The following KIF5C variants were observed in gnomAD, a reference collection of about 807,000 sequenced individuals.
KIF5C encodes kinesin family member 5C, also known as kinesin heavy chain isoform 5C.
In KIF5C, 18 loss-of-function variants were observed where a neutral mutation model predicts 125.2. That is an observed-to-expected ratio of 0.14 (90% CI 0.10 to 0.21). The LOEUF is 0.21. Among genes scored for constraint, KIF5C ranks in the 10% least tolerant of loss-of-function variants. The probability of loss-of-function intolerance (pLI) is 1.00; values close to 1 mark genes in which losing one functional copy is unlikely to be tolerated. For missense variants in KIF5C, 780 were observed against 1,183.8 expected (o/e 0.66, Z 5.01); for synonymous variants, 405 against 434.0 (o/e 0.93, Z 0.83).
At chr2:148,947,474 C>T (rs138930440) in intron 8 of KIF5C, 8 of 188,076 alleles carry the variant, frequency 4.3e-5, no homozygotes, top group African/African-American at 1.4e-4. Flanking sequence ...GAACCTGGGG[C>T]GCTCCCTGCA....
chr2:148,904,121 A>C (rs1175816306), intron 1 of KIF5C, among the ~76,000 whole-genome samples: 1 of 152,230 alleles, frequency 6.6e-6, no homozygotes, highest in African/African-American at 2.4e-5. Context: ...TTATTTTCCC[A>C]AACAATTAGA....
chr2:148,948,984 T>G (rs1682591920), intron 8 of KIF5C, among the ~76,000 whole-genome samples: 1 of 152,218 alleles, frequency 6.6e-6, no homozygotes, highest in African/African-American at 2.4e-5. Context: ...ATTTCTGTCA[T>G]CAGGAGTTTC....
At chr2:148,885,007 G>C (rs1400034291) in intron 1 of KIF5C, among the ~76,000 whole-genome samples, 1 of 136,038 alleles carries the variant, frequency 7.4e-6, no homozygotes, top group Non-Finnish European at 1.5e-5. Flanking sequence ...TTCTCACTCT[G>C]TCTCCCAGGC....
In KIF5C at chr2:148,990,996, C is replaced by G. The variant is rs771481346; in HGVS notation, c.1717-14C>G. On this transcript the variant is annotated splice_polypyrimidine_tract_variant and intron_variant, in intron 15 of 25. Transcript: ENST00000435030. ...TTGTGGGCAACATTTGAGTGTGTCC[C>G]CTTCTTTGCTCAGTTGGCAGATGTG... 19 of 1,609,604 alleles carry G rather than the reference C, an allele frequency of 1.2e-5. No individual in the cohort carries two copies. The highest frequency in any genetic ancestry group is 1.5e-5 in the Non-Finnish European group (18 of 1,177,262).
At chr2:148,883,588 C>T (rs944297372) in intron 1 of KIF5C, 22 of 152,042 alleles carry the variant, frequency 1.4e-4, no homozygotes, top group African/African-American at 5.1e-4. Context: ...TCTATTCTTA[C>T]AACACACTTT....
In KIF5C at chr2:148,937,333, A is replaced by G. The variant is rs750422140; in HGVS notation, c.341A>G (p.His114Arg). 3.1e-6 allele frequency: 5 copies of G among 1,603,482 alleles called. No individual in the cohort carries two copies. In the South Asian group the frequency reaches 3.4e-5, roughly 11 times the overall value. ...QLMGIIPRIA[H>R]DIFDHIYSMD... ...ATGGGGATCATCCCACGAATTGCCC[A>G]TGATATCTTTGACCATATCTACTCC... The change falls in exon 4 of 26, where the codon CAT becomes CGT. Residue 114 changes from histidine to arginine, a missense_variant. By Grantham distance (29) the His-to-Arg change is conservative (BLOSUM62 0). Transcript: ENST00000435030.
intron 17 of KIF5C, among the ~76,000 whole-genome samples, chr2:148,996,086 C>A (rs1003671831): frequency 2.0e-5 from 3 of 151,810 alleles, no homozygotes; most frequent in Admixed American, 2.0e-4. Flanking sequence ...ATCCAGGAGG[C>A]GGAGGTTGTA....
chr2:148,998,063 T>C (rs1681731694), intron 18 of KIF5C: 1 of 332,700 alleles, frequency 3.0e-6, no homozygotes, highest in African/African-American at 2.1e-5. Context: ...TACAGGCTTA[T>C]CTGGAGGTTA....
intron 1 of KIF5C, among the ~76,000 whole-genome samples, chr2:148,887,301 T>C (rs1574691019): frequency 6.6e-6 from 1 of 152,196 alleles, no homozygotes; most frequent in East Asian, 1.9e-4. Flanking sequence ...GTGGCTCACA[T>C]TTGTGGTTGG....
At chr2:148,962,493 T>C (rs540453267) in intron 11 of KIF5C, among the ~76,000 whole-genome samples, 1 of 152,244 alleles carries the variant, frequency 6.6e-6, no homozygotes, top group Admixed American at 6.5e-5. Context: ...GTGTGCTTTC[T>C]TTTTCTTGTG....
intron 12 of KIF5C, among the ~76,000 whole-genome samples, chr2:148,975,319 T>A (rs1448461480): frequency 6.6e-6 from 1 of 152,160 alleles, no homozygotes; most frequent in East Asian, 1.9e-4. Context: ...AGGAGGCACT[T>A]CCATGTTTCT....
intron 15 of KIF5C, among the ~76,000 whole-genome samples, chr2:148,989,970 T>A (rs1340832399): frequency 6.6e-6 from 1 of 152,098 alleles, no homozygotes; most frequent in Non-Finnish European, 1.5e-5. Context: ...GCACTCAGAG[T>A]GTACTGTGGA....
At chr2:149,008,564 G>A (rs909552630) in intron 23 of KIF5C, among the ~76,000 whole-genome samples, 3 of 152,186 alleles carry the variant, frequency 2.0e-5, no homozygotes, top group African/African-American at 4.8e-5. Flanking sequence ...CATTCCTAGC[G>A]ATCTCAGATG....
At chr2:148,888,604 C>A (rs1681621398) in intron 1 of KIF5C, 2 of 152,210 alleles carry the variant, frequency 1.3e-5, no homozygotes, top group South Asian at 4.2e-4. Flanking sequence ...CTCTTCCCAA[C>A]CCCCACTCAG....
intron 4 of KIF5C, among the ~76,000 whole-genome samples, chr2:148,940,572 G>T (rs1682386613): frequency 6.6e-6 from 1 of 152,174 alleles, no homozygotes; most frequent in South Asian, 2.1e-4. Context: ...TCCAGAGCTG[G>T]GATGTAGGGA....
At chr2:148,902,531 G>A (rs1680946903) in intron 1 of KIF5C, among the ~76,000 whole-genome samples, 1 of 152,096 alleles carries the variant, frequency 6.6e-6, no homozygotes, top group South Asian at 2.1e-4. Context: ...TGGCCAGTCT[G>A]ATCTCAAACT....
At chr2:148,934,988 A>G in intron 3 of KIF5C, 3 of 318,402 alleles carry the variant, frequency 9.4e-6, no homozygotes, top group South Asian at 7.3e-5. Flanking sequence ...TTTGCTGCAC[A>G]TAAAGCCCTT....
rs1206840063 is a variant in KIF5C at position 148,991,176 on chromosome 2, C to A, written c.1883C>A (p.Ala628Asp). Residue 628 changes from alanine to aspartate, a missense_variant, in exon 16 of 26, where the codon GCC (alanine) becomes GAC (aspartate). By Grantham distance (126) the Ala-to-Asp change is moderately radical. Transcript: ENST00000435030. ...AATGCCAGCGAGCGGGAGCTGGCAG[C>A]CTGCCAGCTGCTCATCTCCCAGGTG... ...KMNASERELA[A>D]CQLLISQHEA... The A allele has an allele frequency of 1.9e-6, 3 of 1,613,610 alleles. No individual in the cohort carries two copies. Among genetic ancestry groups the A allele is most frequent in the Non-Finnish European group, 2.5e-6 (3 of 1,179,794 alleles).
intron 1 of KIF5C, among the ~76,000 whole-genome samples, chr2:148,907,046 CAAGA>C (rs1681137983): frequency 6.6e-6 from 1 of 152,040 alleles, no homozygotes; most frequent in Admixed American, 6.6e-5. Flanking sequence ...GGCAACAGAG[CAAGA>C]ATCCTGTCTC....
Sources: gnomAD v4.1 joint callset for allele counts (sites outside exome capture counted in the v4.1 genomes callset) on GRCh38, gnomAD v4.1.1 for gene constraint, MANE v1.5 for transcripts, NCBI Gene and HGNC (gene_info 2026-07-23, HGNC 2026-07-21) for gene names.